MID1: variants seen among roughly 807,000 people sequenced by gnomAD.
MID1 encodes the protein midline 1, also known as E3 ubiquitin-protein ligase Midline-1.
A neutral mutation model predicts 40.4 loss-of-function variants in MID1; 7 were observed. That is an observed-to-expected ratio of 0.17 (90% CI 0.10 to 0.33). The LOEUF (loss-of-function observed/expected upper bound fraction) is 0.33. MID1 is among the 10% of genes least tolerant of loss of function. The pLI is 1.00. For missense variants in MID1, 367 were observed against 558.5 expected (o/e 0.66, Z 3.46); for synonymous variants, 229 against 221.2 (o/e 1.04, Z -0.31).
intron 2 of MID1, among the ~76,000 whole-genome samples, chrX:10,566,498 T>G (rs1254422598): frequency 1.4e-5 from 1 of 71,492 alleles, no homozygotes; most frequent in African/African-American, 6.4e-5. Context: ...TATCTGTCAT[T>G]CTCTCTCTCT....
At chrX:10,684,100 C>T (rs2043077722) in intron 1 of MID1, among the ~76,000 whole-genome samples, 1 of 110,233 alleles carries the variant, frequency 9.1e-6, no homozygotes, top group Admixed American at 9.7e-5. Flanking sequence ...GATTTTGTTT[C>T]GTTTTGGCTT....
chrX:10,495,929 CT>C lies in MID1; in HGVS notation c.757-239del, dbSNP rs757755005. The stretch of plus-strand genomic sequence containing the variant: ...GTCTTTTCTACTAAGCCAGACTCAG[CT>C]GCAGAATCTTTAACATAACATGTAC... On this transcript the variant is annotated intron_variant, in intron 3 of 9. Transcript: ENST00000317552. 8.5e-4 allele frequency among the ~76,000 whole-genome samples: 96 copies of C among 112,440 alleles called. 2 individuals carry two copies. The highest frequency in any genetic ancestry group is 1.5e-3 in the Non-Finnish European group (82 of 53,218).
chrX:10,641,178 A>G (rs376217109), intron 1 of MID1, among the ~76,000 whole-genome samples: 1 of 112,061 alleles, frequency 8.9e-6, no homozygotes, highest in African/African-American at 3.2e-5. Flanking sequence ...GCAGAACTGA[A>G]GAACTAAGAT....
At chrX:10,754,861 G>A (rs1200131786) in intron 1 of MID1, among the ~76,000 whole-genome samples, 2 of 112,012 alleles carry the variant, frequency 1.8e-5, no homozygotes, top group African/African-American at 6.5e-5. Flanking sequence ...TATTTTTATT[G>A]TTTTGCTAGG....
intron 1 of MID1, among the ~76,000 whole-genome samples, chrX:10,579,249 A>C (rs183083360): frequency 8.9e-6 from 1 of 112,278 alleles, no homozygotes; most frequent in Admixed American, 9.5e-5. Flanking sequence ...CTGAAAGACC[A>C]GTCAAGTGGG....
At chrX:10,776,784 A>G (rs1032412143) in intron 1 of MID1, among the ~76,000 whole-genome samples, 2 of 111,843 alleles carry the variant, frequency 1.8e-5, no homozygotes, top group East Asian at 5.6e-4. Context: ...CCAGTTTCTA[A>G]AAAAGTTTTA....
intron 1 of MID1, among the ~76,000 whole-genome samples, chrX:10,719,744 A>G (rs1316844062): frequency 9.0e-6 from 1 of 111,278 alleles, no homozygotes; most frequent in African/African-American, 3.3e-5. Flanking sequence ...CACCAAGTCA[A>G]TCCTAAGCCA....
intron 1 of MID1, among the ~76,000 whole-genome samples, chrX:10,759,581 C>T (rs890200708): frequency 1.8e-5 from 2 of 110,624 alleles, no homozygotes; most frequent in African/African-American, 6.6e-5. Flanking sequence ...CCCTAGGGGA[C>T]GGGGAGGGAG....
At chrX:10,727,655 A>G (rs2043403980) in intron 1 of MID1, among the ~76,000 whole-genome samples, 1 of 111,467 alleles carries the variant, frequency 9.0e-6, no homozygotes, top group Non-Finnish European at 1.9e-5. Context: ...GAGAGCAAGG[A>G]TGCATAGAAA....
chrX:10,526,063 C>T (rs1216270813), intron 2 of MID1, among the ~76,000 whole-genome samples: 2 of 112,293 alleles, frequency 1.8e-5, no homozygotes, highest in African/African-American at 6.5e-5. Context: ...GTTCAAACTT[C>T]AGAGGAAGGC....
At chrX:10,728,883 C>A (rs749080918) in intron 1 of MID1, among the ~76,000 whole-genome samples, 1 of 111,857 alleles carries the variant, frequency 8.9e-6, no homozygotes, top group African/African-American at 3.2e-5. Flanking sequence ...GAAGCCCCCG[C>A]CTTCTCCCTT....
chrX:10,576,073 T>G (rs1033976320), intron 1 of MID1, among the ~76,000 whole-genome samples: 1 of 109,669 alleles, frequency 9.1e-6, no homozygotes, highest in African/African-American at 3.3e-5. Context: ...ATTAATACAA[T>G]AGATATTTTG....
At chrX:10,672,639 T>C (rs146926686) in intron 1 of MID1, among the ~76,000 whole-genome samples, 5 of 111,770 alleles carry the variant, frequency 4.5e-5, no homozygotes, top group Admixed American at 9.5e-5. Flanking sequence ...GGCCTGCTGA[T>C]ACCTTGATTT....
chrX:10,800,830 A>T (rs2044001229), intron 1 of MID1, among the ~76,000 whole-genome samples: 1 of 112,302 alleles, frequency 8.9e-6, no homozygotes, highest in Admixed American at 9.5e-5. Flanking sequence ...AAATTAATAT[A>T]AATGAACAAA....
In MID1 at chrX:10,567,020, C is replaced by T. The variant is rs1934577254; in HGVS notation, c.528G>A (p.Leu176=). 6.6e-6 allele frequency: 8 copies of T among 1,211,796 alleles called. No homozygotes were observed. The highest frequency in any genetic ancestry group is 1.7e-5 in the African/African-American group (1 of 57,734). Residue 176 remains leucine (L), a synonymous_variant, in exon 2 of 10, where the codon TTG becomes TTA. Coordinates refer to ENST00000317552, the MANE Select transcript of MID1 (RefSeq NM_000381.4). ...TATTCACCTTCTCATCCTCATGCTC[C>T]AAGCACATCAGCCCCCGGATGTGAG... is the stretch of plus-strand genomic sequence containing the variant. ...PDSHIRGLMC[L]EHEDEKVNMY...
At chrX:10,468,426 T>G (rs1182450333) in intron 7 of MID1, among the ~76,000 whole-genome samples, 1 of 112,663 alleles carries the variant, frequency 8.9e-6, no homozygotes, top group East Asian at 2.8e-4. Flanking sequence ...AAGAGCAGTT[T>G]GTAGTTAAGA....
chrX:10,663,118 G>C (rs2042927399), intron 1 of MID1, among the ~76,000 whole-genome samples: 1 of 110,971 alleles, frequency 9.0e-6, no homozygotes, highest in Non-Finnish European at 1.9e-5. Flanking sequence ...TTTTTTTAAA[G>C]TTTAGTTGAG....
chrX:10,482,693 A>G, intron 4 of MID1, 65 bp from the exon 5 acceptor site: 1 of 1,086,154 alleles, frequency 9.2e-7, no homozygotes, highest in South Asian at 1.8e-5. Context: ...AAAAGGCATC[A>G]GGCTGGATCC....
chrX:10,721,092 A>C (rs1197466310), intron 1 of MID1, among the ~76,000 whole-genome samples: 2 of 110,181 alleles, frequency 1.8e-5, no homozygotes, highest in Non-Finnish European at 3.8e-5. Context: ...AGATATACCT[A>C]ATGTTAAATG....
Sources: gnomAD v4.1 joint callset for allele counts (sites outside exome capture counted in the v4.1 genomes callset) on GRCh38, gnomAD v4.1.1 for gene constraint, MANE v1.5 for transcripts, NCBI Gene and HGNC (gene_info 2026-07-23, HGNC 2026-07-21) for gene names.